IMPA2: variants seen among roughly 807,000 people sequenced by gnomAD.
IMPA2 encodes the protein inositol monophosphatase 2.
IMPA2 carries 32 observed loss-of-function variants against 35.1 expected under a neutral mutation model. The ratio of observed to expected loss-of-function variants is 0.91; its 90% CI spans 0.69 to 1.23. The LOEUF is 1.23. IMPA2 is among the 50% of genes most tolerant of loss of function. The pLI, the probability that IMPA2 is intolerant of heterozygous loss-of-function variation, is 0.00. For missense variants in IMPA2, 334 were observed against 387.6 expected (o/e 0.86, Z 1.16); for synonymous variants, 135 against 160.6 (o/e 0.84, Z 1.20).
chr18:11,984,854 G>A (rs1221913580), intron 1 of IMPA2, among the ~76,000 whole-genome samples: 1 of 129,144 alleles, frequency 7.7e-6, no homozygotes, highest in Non-Finnish European at 1.8e-5. Flanking sequence ...TGTAGTCCCA[G>A]CTACTCAGGA....
intron 1 of IMPA2, among the ~76,000 whole-genome samples, chr18:11,984,018 T>C (rs1490073253): frequency 1.3e-5 from 2 of 152,058 alleles, no homozygotes; most frequent in Non-Finnish European, 2.9e-5. Context: ...ATTCTACCAC[T>C]CTGTTGTTCG....
chr18:12,007,880 C>T (rs562379030), intron 2 of IMPA2, among the ~76,000 whole-genome samples: 120 of 152,078 alleles, frequency 7.9e-4, no homozygotes, highest in African/African-American at 2.8e-3. Context: ...TGGGTTCAAG[C>T]GATTCTCCTG....
chr18:12,003,398 C>T (rs749356559), intron 2 of IMPA2, among the ~76,000 whole-genome samples: 2 of 152,106 alleles, frequency 1.3e-5, no homozygotes, highest in African/African-American at 2.4e-5. Flanking sequence ...GTAATCCCAG[C>T]ACTTTCAGAG....
In IMPA2 at chr18:12,022,169, C is replaced by A. The variant is rs1002406439; in HGVS notation, c.491-5874C>A. Among the ~76,000 whole-genome samples, 3 of 152,218 alleles carry A rather than the reference C, an allele frequency of 2.0e-5. No individual in the cohort carries two copies. The East Asian group carries it at 5.8e-4, about 29-fold the overall frequency. On this transcript the variant is annotated intron_variant, in intron 5 of 7. Coordinates refer to ENST00000269159, the MANE Select transcript of IMPA2 (RefSeq NM_014214.3). The stretch of plus-strand genomic sequence containing the variant: ...AAATGTTTGTTCCTACAAATAAGAA[C>A]TCCACCTATTAAGCAAGAACTCCCT...
chr18:12,016,334 T>C (rs1907577132), intron 5 of IMPA2, among the ~76,000 whole-genome samples: 1 of 152,106 alleles, frequency 6.6e-6, no homozygotes, highest in African/African-American at 2.4e-5. Flanking sequence ...TTCCTATGGG[T>C]AGATGGACTT....
At chr18:11,995,545 A>G (rs546715129) in intron 1 of IMPA2, among the ~76,000 whole-genome samples, 2 of 152,290 alleles carry the variant, frequency 1.3e-5, no homozygotes, top group South Asian at 4.1e-4. Flanking sequence ...AAGCTATTTT[A>G]TGCTCCCTTC....
At chr18:11,997,533 GC>G (rs1906994520) in intron 1 of IMPA2, among the ~76,000 whole-genome samples, 3 of 152,210 alleles carry the variant, frequency 2.0e-5, no homozygotes, top group African/African-American at 7.2e-5. Flanking sequence ...GCTCAGTACA[GC>G]GTGGGCCAGC....
Position 12,010,052 on chromosome 18 carries a change from T to G in IMPA2, c.335+65T>G. 3.9e-6 allele frequency: 5 copies of G among 1,286,036 alleles called. No homozygotes were observed. The East Asian group carries it at 1.2e-4, about 30-fold the overall frequency. The allele number at this position is 1,286,036 out of a possible 1,614,324, so 79.7% of individuals were successfully genotyped here. A position where few individuals can be genotyped will look rare whatever the true frequency, so the allele number is the denominator to read the frequency against. On this transcript the variant is annotated intron_variant, in intron 3 of 7. Coordinates refer to ENST00000269159, the MANE Select transcript of IMPA2 (RefSeq NM_014214.3). The surrounding 1 kb of genome is among the most constrained non-coding windows in gnomAD (Gnocchi z 4.8). ...ATGTCCTCTTCTGTGAGGTTTTGTC[T>G]TTTCAAAAGCAGCATTTTTTAAGGC...
chr18:12,028,565 A>T, intron 6 of IMPA2: 1 of 490,062 alleles, frequency 2.0e-6, no homozygotes, highest in Non-Finnish European at 3.6e-6. Flanking sequence ...TGTCACGTTC[A>T]GTAGAGGAGG....
At position 12,009,964 on chromosome 18, in the gene IMPA2, C is replaced by T. The variant is rs374856626; in HGVS notation, c.312C>T (p.Asp104=). ...CGACGTGGATCATCGACCCCATCGACGGCACCTGCAATTTTGTGCACAGGT... is the reference window on the plus strand; with the variant it reads ...CGACGTGGATCATCGACCCCATCGATGGCACCTGCAATTTTGTGCACAGGT... ...HSPTWIIDPI[D]GTCNFVHRFP... Residue 104 remains aspartate, a synonymous_variant, in exon 3 of 8, where the codon GAC becomes GAT. Transcript: ENST00000269159. 6.6e-5 allele frequency: 106 copies of T among 1,613,986 alleles called. No homozygotes were observed. Among genetic ancestry groups the T allele is most frequent in the Middle Eastern group, 1.7e-4 (1 of 6,058 alleles).
At chr18:11,988,356 C>T (rs758773072) in intron 1 of IMPA2, among the ~76,000 whole-genome samples, 2 of 152,138 alleles carry the variant, frequency 1.3e-5, no homozygotes, top group Non-Finnish European at 2.9e-5. Flanking sequence ...GGTAATAACA[C>T]ATTGATTATA....
rs1024215603 is a variant in IMPA2 at position 11,981,884 on chromosome 18, A to AGGGCGCG, written c.96+128_96+134dup. 2.4e-5 allele frequency: 14 copies of AGGGCGCG among 571,798 alleles called. No homozygotes were observed. In the African/African-American group the frequency reaches 2.5e-4, roughly 10 times the overall value. The allele number at this position is 571,798 out of a possible 1,614,324, so 35.4% of individuals were successfully genotyped here. Reference sequence around the variant, plus strand: ...GGCGGGCGCCCAGGGTCCGCACCCGAGGGCGCGGGGCGCGGAGCGGTGAAA... The same window carrying AGGGCGCG: ...GGCGGGCGCCCAGGGTCCGCACCCGAGGGCGCGGGGCGCGGGGCGCGGAGCGGTGAAA... On this transcript the variant is annotated intron_variant, in intron 1 of 7. Coordinates refer to ENST00000269159, the MANE Select transcript of IMPA2 (RefSeq NM_014214.3).
intron 5 of IMPA2, among the ~76,000 whole-genome samples, chr18:12,027,835 G>A (rs559756341): frequency 6.6e-6 from 1 of 151,546 alleles, no homozygotes; most frequent in Admixed American, 6.6e-5. Flanking sequence ...TTGTTCCCTA[G>A]CCTCCCAAAG....
chr18:12,006,093 C>T (rs558868448), intron 2 of IMPA2, among the ~76,000 whole-genome samples: 1 of 152,324 alleles, frequency 6.6e-6, no homozygotes, highest in South Asian at 2.1e-4. Context: ...AGGAAAGTCA[C>T]ATAGCTACAG....
intron 1 of IMPA2, among the ~76,000 whole-genome samples, chr18:11,984,763 C>G (rs7407928): frequency 0.1 from 15,219 of 151,740 alleles, 961 homozygotes; most frequent in East Asian, 0.28. Context: ...GTCAGGAGAT[C>G]AAGACCATCC....
rs9960359 is a variant in IMPA2, at chr18:12,020,688, A to C, written c.490+6315A>C. Among the ~76,000 whole-genome samples the C allele has an allele frequency of 6.1e-3, 933 of 151,790 alleles. 11 individuals are homozygous for C. Among genetic ancestry groups the C allele is most frequent in the African/African-American group, 0.021 (885 of 41,366 alleles). On this transcript the variant is annotated intron_variant, in intron 5 of 7. Coordinates refer to ENST00000269159, the MANE Select transcript of IMPA2 (RefSeq NM_014214.3). ...AAAAAGTTTCCTCTTTTTCACCCTCAATTTCCTGCAAAGCATAATCTCTTG... is the reference window on the plus strand; with the variant it reads ...AAAAAGTTTCCTCTTTTTCACCCTCCATTTCCTGCAAAGCATAATCTCTTG...
intron 5 of IMPA2, among the ~76,000 whole-genome samples, chr18:12,023,884 T>C (rs1907803429): frequency 3.3e-5 from 5 of 152,210 alleles, no homozygotes; most frequent in Admixed American, 3.3e-4. Context: ...CCAGTAGGGT[T>C]GAGGGGGCGT....
chr18:11,988,414 T>C (rs1359629938), intron 1 of IMPA2, among the ~76,000 whole-genome samples: 2 of 152,242 alleles, frequency 1.3e-5, no homozygotes, highest in African/African-American at 4.8e-5. Flanking sequence ...GAAAGGACTT[T>C]AGCCTTTTTA....
intron 2 of IMPA2, among the ~76,000 whole-genome samples, chr18:12,009,413 T>C (rs917904110): frequency 3.9e-5 from 6 of 152,170 alleles, no homozygotes; most frequent in African/African-American, 1.4e-4. Flanking sequence ...GGTACAGACG[T>C]GGGAGATCTC....
Sources: gnomAD v4.1 joint callset for allele counts (sites outside exome capture counted in the v4.1 genomes callset) on GRCh38, gnomAD v4.1.1 for gene constraint, Gnocchi (gnomAD v3.1) non-coding constraint, MANE v1.5 for transcripts, NCBI Gene and HGNC (gene_info 2026-07-23, HGNC 2026-07-21) for gene names.